Variants in PRELID2 observed in about 807,000 individuals in gnomAD.
PRELID2 encodes the protein PRELI domain containing 2.
PRELID2 carries 25 observed loss-of-function variants against 28.4 expected under a neutral mutation model. The ratio of observed to expected loss-of-function variants is 0.88; its 90% confidence interval spans 0.64 to 1.23. The LOEUF (loss-of-function observed/expected upper bound fraction) is 1.23. Among genes scored for constraint, PRELID2 ranks in the 50% most tolerant of loss-of-function variants. The pLI is 0.00. For missense variants in PRELID2, 201 were observed against 214.4 expected (o/e 0.94, Z 0.39); for synonymous variants, 76 against 71.6 (o/e 1.06, Z -0.31).
rs544202492 is a variant in PRELID2, at chr5:145,586,288, A to C, written n.71-112973T>G. ...TTATATAAGTCCTAATTTCTGCATA[A>C]AACTTCTCCCATCAGTGCAGTTCAC... On this transcript the variant is annotated intron_variant and non_coding_transcript_variant, in intron 1 of 2. Coordinates refer to the PRELID2 transcript ENST00000510259. Among the ~76,000 whole-genome samples, 3 of 152,098 alleles carry C rather than the reference A, an allele frequency of 2.0e-5. No individual in the cohort carries two copies. The East Asian group carries it at 5.8e-4, about 29-fold the overall frequency.
chr5:145,575,782 G>C (rs1016374961), intron 1 of PRELID2, among the ~76,000 whole-genome samples: 1 of 152,130 alleles, frequency 6.6e-6, no homozygotes, highest in Admixed American at 6.5e-5. Flanking sequence ...ATTAGACCTT[G>C]CATATATTGC....
intron 1 of PRELID2, among the ~76,000 whole-genome samples, chr5:145,506,607 C>T (rs1752413845): frequency 6.6e-6 from 1 of 152,146 alleles, no homozygotes; most frequent in Non-Finnish European, 1.5e-5. Flanking sequence ...TGAAGAACTT[C>T]CCATTGGCCA....
At chr5:145,809,098 G>A (rs1389283506) in intron 4 of PRELID2, among the ~76,000 whole-genome samples, 1 of 142,580 alleles carries the variant, frequency 7.0e-6, no homozygotes, top group Admixed American at 7.3e-5. Flanking sequence ...ATGCAGTGGT[G>A]CGATCTGGGT....
chr5:145,384,169 T>C, the PRELID2 span, among the ~76,000 whole-genome samples: 8 of 152,186 alleles, frequency 5.3e-5, no homozygotes, highest in African/African-American at 1.9e-4. Flanking sequence ...CAGATGTGAG[T>C]GAGAGTGTGG....
the PRELID2 span, among the ~76,000 whole-genome samples, chr5:145,312,685 A>AT: frequency 2.0e-5 from 3 of 151,830 alleles, no homozygotes; most frequent in African/African-American, 4.8e-5. Context: ...AAATGACTGG[A>AT]TTTTTTTTCT....
chr5:145,792,702 G>A (rs1363250014), intron 5 of PRELID2, among the ~76,000 whole-genome samples: 2 of 152,050 alleles, frequency 1.3e-5, no homozygotes, highest in African/African-American at 4.8e-5. Context: ...TAGACTGTAT[G>A]TGTTTACATG....
At chr5:145,823,411 A>G (rs558727827) in intron 1 of PRELID2, among the ~76,000 whole-genome samples, 1 of 152,344 alleles carries the variant, frequency 6.6e-6, no homozygotes, top group South Asian at 2.1e-4. Context: ...TAATAATACT[A>G]TTAATATTGA....
chr5:145,384,141 A>T, the PRELID2 span, among the ~76,000 whole-genome samples: 99,289 of 151,950 alleles, frequency 0.65, 32,816 homozygotes, highest in East Asian at 0.89. Flanking sequence ...TAGATAAGCT[A>T]CACGAGACTG....
At chr5:145,594,977 A>C (rs1194741536) in intron 1 of PRELID2, among the ~76,000 whole-genome samples, 1 of 151,952 alleles carries the variant, frequency 6.6e-6, no homozygotes, top group Admixed American at 6.6e-5. Context: ...AAAATACAAA[A>C]ATTAGCTGGG....
chr5:145,616,323 C>A (rs1309650983), intron 1 of PRELID2, among the ~76,000 whole-genome samples: 1 of 152,092 alleles, frequency 6.6e-6, no homozygotes, highest in Non-Finnish European at 1.5e-5. Context: ...CAATTATTCC[C>A]CTAAATATGT....
At chr5:145,713,378 TTA>T (rs1016328459) in intron 1 of PRELID2, among the ~76,000 whole-genome samples, 1 of 114,360 alleles carries the variant, frequency 8.7e-6, no homozygotes, top group African/African-American at 3.6e-5. Context: ...ATACTTTACA[TTA>T]TATATATATA....
the PRELID2 span, among the ~76,000 whole-genome samples, chr5:145,437,792 G>C: frequency 6.6e-6 from 1 of 152,074 alleles, no homozygotes; most frequent in African/African-American, 2.4e-5. Context: ...CTCAAAACTG[G>C]ATCAGGTGTG....
At chr5:145,238,963 C>CTCTATCTATCTATCTATCTATCTA in the PRELID2 span, among the ~76,000 whole-genome samples, 25 of 151,946 alleles carry the variant, frequency 1.6e-4, no homozygotes, top group African/African-American at 5.3e-4. Flanking sequence ...ATCTATCTGT[C>CTCTATCTATCTATCTATCTATCTA]TCTATCTATC....
At chr5:145,233,218 G>A in the PRELID2 span, among the ~76,000 whole-genome samples, 1 of 152,034 alleles carries the variant, frequency 6.6e-6, no homozygotes, top group African/African-American at 2.4e-5. Flanking sequence ...TTAAATCTAT[G>A]TGATTCTAAA....
At chr5:145,728,479 G>A (rs1426896311) in intron 1 of PRELID2, 13 of 666,610 alleles carry the variant, frequency 2.0e-5, no homozygotes, top group Non-Finnish European at 3.3e-5. Flanking sequence ...AACAGGAAGT[G>A]TTCTCCCCTC....
intron 1 of PRELID2, among the ~76,000 whole-genome samples, chr5:145,527,533 C>A (rs961420014): frequency 6.6e-6 from 1 of 152,138 alleles, no homozygotes; most frequent in African/African-American, 2.4e-5. Flanking sequence ...ATTTTTCAAG[C>A]AATTTCTTGA....
intron 1 of PRELID2, among the ~76,000 whole-genome samples, chr5:145,635,116 A>G (rs944531546): frequency 6.6e-6 from 1 of 152,068 alleles, no homozygotes; most frequent in Non-Finnish European, 1.5e-5. Flanking sequence ...TGCAGATTTG[A>G]TCTCTGCATC....
intron 1 of PRELID2, among the ~76,000 whole-genome samples, chr5:145,497,588 C>T (rs116080117): frequency 0.022 from 3,322 of 152,172 alleles, 116 homozygotes; most frequent in African/African-American, 0.075. Context: ...TAAGTAGAAA[C>T]GCCTGCATAC....
At chr5:145,340,364 C>T in the PRELID2 span, among the ~76,000 whole-genome samples, 9 of 152,180 alleles carry the variant, frequency 5.9e-5, no homozygotes, top group Non-Finnish European at 1.3e-4. Flanking sequence ...AACAGTCCCA[C>T]TGCCATCAGC....
Sources: allele counts gnomAD v4.1 joint callset (sites outside exome capture counted in the v4.1 genomes callset), GRCh38; gene constraint gnomAD v4.1.1; transcripts MANE v1.5; gene names NCBI Gene and HGNC (gene_info 2026-07-23, HGNC 2026-07-21).